Variants in ESRRG observed in about 807,000 individuals in gnomAD.
The protein encoded by ESRRG is estrogen related receptor gamma, also known as estrogen-related receptor gamma.
In ESRRG, 13 loss-of-function variants were observed where a neutral mutation model predicts 44.0. The observed-to-expected ratio is 0.30, with a 90% confidence interval of 0.19 to 0.47. The LOEUF is 0.47. Ranked by LOEUF, ESRRG falls within the 20% of genes least tolerant of loss-of-function variation. The probability of loss-of-function intolerance (pLI) is 1.00; values close to 1 mark genes in which losing one functional copy is unlikely to be tolerated. For missense variants in ESRRG, 395 were observed against 580.6 expected (o/e 0.68, Z 3.29); for synonymous variants, 215 against 214.6 (o/e 1.00, Z -0.02).
At chr1:217,125,019 T>A (rs935274784) in intron 1 of ESRRG, among the ~76,000 whole-genome samples, 1 of 152,138 alleles carries the variant, frequency 6.6e-6, no homozygotes, top group African/African-American at 2.4e-5. Context: ...CAGAGACATA[T>A]CCAGGGATCC....
At chr1:216,926,922 C>T (rs921179784) in intron 2 of ESRRG, among the ~76,000 whole-genome samples, 3 of 152,094 alleles carry the variant, frequency 2.0e-5, no homozygotes, top group African/African-American at 4.8e-5. Context: ...TCTCCCTGCA[C>T]GAAGAATAGC....
chr1:216,853,880 A>G (rs545117456), intron 2 of ESRRG, among the ~76,000 whole-genome samples: 1 of 152,262 alleles, frequency 6.6e-6, no homozygotes, highest in South Asian at 2.1e-4. Context: ...TTGGACATAC[A>G]CTTTTCACCA....
At chr1:216,659,479 C>G (rs2071683968) in intron 2 of ESRRG, among the ~76,000 whole-genome samples, 1 of 152,164 alleles carries the variant, frequency 6.6e-6, no homozygotes, top group South Asian at 2.1e-4. Flanking sequence ...GTGCCTATCG[C>G]TGGGTATGAT....
At chr1:216,585,746 C>T (rs2063643420) in intron 3 of ESRRG, among the ~76,000 whole-genome samples, 1 of 152,070 alleles carries the variant, frequency 6.6e-6, no homozygotes, top group South Asian at 2.1e-4. Context: ...ATAAAAAGTA[C>T]ATTAAAATAT....
At chr1:216,516,507 T>A (rs4846279) in intron 6 of ESRRG, among the ~76,000 whole-genome samples, 115,268 of 151,858 alleles carry the variant, frequency 0.76, 43,961 homozygotes, top group African/African-American at 0.83. Flanking sequence ...AGTAAATGAG[T>A]CAATGGTTTT....
Position 216,638,594 on chromosome 1 carries a change from G to A in ESRRG, c.589+12379C>T, listed in dbSNP as rs114026061. Among the ~76,000 whole-genome samples, 528 of 152,206 alleles carry A rather than the reference G, an allele frequency of 3.5e-3. 7 individuals are homozygous for A. Among genetic ancestry groups the A allele is most frequent in the African/African-American group, 0.012 (491 of 41,528 alleles). ...AAAACATGAAATTAAATGCTAAACA[G>A]TATGAAACTGAATATAAACGCTGGT... On this transcript the variant is annotated intron_variant, in intron 3 of 6. Coordinates refer to ENST00000408911, the MANE Select transcript of ESRRG (RefSeq NM_001438.4).
At chr1:216,793,959 AT>A (rs34752392) in intron 2 of ESRRG, among the ~76,000 whole-genome samples, 21,443 of 143,820 alleles carry the variant, frequency 0.15, 2,498 homozygotes, top group African/African-American at 0.33. Context: ...TTAACTAAGG[AT>A]TTTTTTTTTT....
chr1:216,775,397 C>T (rs564082622), intron 2 of ESRRG, among the ~76,000 whole-genome samples: 12 of 151,910 alleles, frequency 7.9e-5, no homozygotes, highest in South Asian at 2.1e-4. Context: ...TATGAAATGA[C>T]GTGACTGTTC....
At chr1:216,768,067 C>T (rs2093173832) in intron 2 of ESRRG, among the ~76,000 whole-genome samples, 1 of 152,072 alleles carries the variant, frequency 6.6e-6, no homozygotes, top group Non-Finnish European at 1.5e-5. Context: ...GTCTCTAACC[C>T]TCACCAAAAT....
chr1:216,654,931 T>G (rs571436173), intron 2 of ESRRG, among the ~76,000 whole-genome samples: 56 of 152,284 alleles, frequency 3.7e-4, no homozygotes, highest in African/African-American at 1.3e-3. Flanking sequence ...GAGAAAATAT[T>G]TAGGATTGAT....
chr1:216,675,699 TTTGAG>T (rs2075989270), intron 2 of ESRRG, among the ~76,000 whole-genome samples: 1 of 152,154 alleles, frequency 6.6e-6, no homozygotes, highest in Admixed American at 6.5e-5. Flanking sequence ...AGAGATTCTG[TTTGAG>T]TTAATACAGG....
At chr1:216,834,093 AAG>A (rs2095527810) in intron 2 of ESRRG, among the ~76,000 whole-genome samples, 1 of 152,160 alleles carries the variant, frequency 6.6e-6, no homozygotes, top group African/African-American at 2.4e-5. Context: ...TTGAAAGAGA[AAG>A]AGCTAGAGTC....
At chr1:217,061,204 T>G (rs1376685818) in intron 1 of ESRRG, among the ~76,000 whole-genome samples, 2 of 152,018 alleles carry the variant, frequency 1.3e-5, no homozygotes, top group African/African-American at 4.8e-5. Context: ...CTTGTCACAG[T>G]TAGGATAAAA....
rs760112901 is a variant in ESRRG at position 216,636,140 on chromosome 1, T to C, written c.589+14833A>G. Among the ~76,000 whole-genome samples the C allele has an allele frequency of 1.1e-3, 173 of 152,342 alleles. 1 individual carries two copies. Among genetic ancestry groups the C allele is most frequent in the Middle Eastern group, 6.8e-3 (2 of 294 alleles). On this transcript the variant is annotated intron_variant, in intron 3 of 6. Transcript: ENST00000408911. ...ATCTTGCCAGTAATTGGCGACTTAA[T>C]AGCAACTCAGGGCTGTCTATTAGCA...
At chr1:216,983,964 C>A (rs1475581269) in intron 1 of ESRRG, among the ~76,000 whole-genome samples, 2 of 150,510 alleles carry the variant, frequency 1.3e-5, no homozygotes, top group Non-Finnish European at 2.9e-5. Flanking sequence ...AGAGACACAA[C>A]CTTGCTGTGG....
chr1:216,984,773 C>A (rs142087581), intron 1 of ESRRG, among the ~76,000 whole-genome samples: 88 of 152,296 alleles, frequency 5.8e-4, no homozygotes, highest in African/African-American at 2.0e-3. Context: ...ATCTGCATTC[C>A]TGTCAAATTG....
chr1:216,618,603 G>T (rs563452477), intron 3 of ESRRG, among the ~76,000 whole-genome samples: 1 of 152,144 alleles, frequency 6.6e-6, no homozygotes, highest in Non-Finnish European at 1.5e-5. Context: ...CAGTATTTAT[G>T]CAAGTGGTAG....
chr1:216,610,849 G>A (rs2060553267), intron 3 of ESRRG, among the ~76,000 whole-genome samples: 1 of 152,044 alleles, frequency 6.6e-6, no homozygotes, highest in African/African-American at 2.4e-5. Flanking sequence ...GGAAACAGTG[G>A]TTAAGTAAGT....
intron 5 of ESRRG, among the ~76,000 whole-genome samples, chr1:216,523,249 G>C (rs879888756): frequency 6.6e-6 from 1 of 152,106 alleles, no homozygotes; most frequent in Admixed American, 6.6e-5. Flanking sequence ...TTTGCTTGCA[G>C]AATGACTCTC....
Sources: allele counts gnomAD v4.1 joint callset (sites outside exome capture counted in the v4.1 genomes callset), GRCh38; gene constraint gnomAD v4.1.1; transcripts MANE v1.5; gene names NCBI Gene and HGNC (gene_info 2026-07-23, HGNC 2026-07-21).